CYP19A1: variants seen among roughly 807,000 people sequenced by gnomAD.
CYP19A1 encodes the protein cytochrome P450 family 19 subfamily A member 1, also known as aromatase.
Under a neutral mutation model 44.4 loss-of-function variants are expected in CYP19A1, and 32 were observed. The ratio of observed to expected loss-of-function variants is 0.72; its 90% CI spans 0.54 to 0.97. The LOEUF (loss-of-function observed/expected upper bound fraction) is 0.97. CYP19A1 is among the 50% of genes least tolerant of loss of function. The probability of loss-of-function intolerance (pLI) is 0.00; values close to 1 mark genes in which losing one functional copy is unlikely to be tolerated. For missense variants in CYP19A1, 598 were observed against 637.8 expected (o/e 0.94, Z 0.67); for synonymous variants, 212 against 215.6 (o/e 0.98, Z 0.14).
chr15:51,247,223 TTGCCCTCTC>T (rs1274120100), intron 1 of CYP19A1, among the ~76,000 whole-genome samples: 2 of 152,154 alleles, frequency 1.3e-5, no homozygotes, highest in African/African-American at 4.8e-5. Context: ...CCTAAAGCGT[TTGCCCTCTC>T]TGCTTTATTC....
intron 1 of CYP19A1, among the ~76,000 whole-genome samples, chr15:51,295,122 C>A (rs966061894): frequency 4.9e-4 from 71 of 143,932 alleles, no homozygotes; most frequent in Non-Finnish European, 8.9e-4. Flanking sequence ...GGGCTTGGAG[C>A]GAATTAACAA....
At chr15:51,308,356 TCCTGGGAAATAATC>T (rs1461352734) in intron 1 of CYP19A1, among the ~76,000 whole-genome samples, 2 of 152,242 alleles carry the variant, frequency 1.3e-5, no homozygotes, top group Admixed American at 1.3e-4. Context: ...GAGGAAAATG[TCCTGGGAAATAATC>T]CCTGCCTTCT....
At chr15:51,297,056 C>T (rs1381487022) in intron 1 of CYP19A1, among the ~76,000 whole-genome samples, 2 of 152,150 alleles carry the variant, frequency 1.3e-5, no homozygotes, top group Non-Finnish European at 2.9e-5. Flanking sequence ...TCCAAAAGGG[C>T]CAAGTGACGA....
chr15:51,233,750 T>G (rs1418380060), intron 3 of CYP19A1, among the ~76,000 whole-genome samples: 2 of 152,202 alleles, frequency 1.3e-5, no homozygotes, highest in Non-Finnish European at 2.9e-5. Context: ...GAGTGATACA[T>G]AAATTTTTTT....
chr15:51,318,219 A>T (rs1284109533), intron 1 of CYP19A1, among the ~76,000 whole-genome samples: 1 of 65,154 alleles, frequency 1.5e-5, no homozygotes, highest in African/African-American at 1.0e-4. Context: ...CTAAAAATGT[A>T]AAAAAAAAAA....
rs200111039 is a variant in CYP19A1 at position 51,242,864 on chromosome 15, C to T, written c.49G>A (p.Val17Met). 752 of 1,606,928 alleles carry T rather than the reference C, an allele frequency of 4.7e-4. 1 individual carries two copies. Among genetic ancestry groups the T allele is most frequent in the South Asian group, 1.5e-3 (140 of 90,922 alleles). ...NPIHYNITSI[V>M]PEAMPAATMP... is the part of the protein sequence containing the mutation. ...GTGGCAGCAGGCATGGCTTCAGGCA[C>T]GATGCTGGTGATGTTATAATGTATC... The change falls in exon 2 of 10, where the codon GTG becomes ATG. Residue 17 changes from valine to methionine, a missense_variant. Physicochemically the swap from Val to Met is conservative, Grantham distance 21 (BLOSUM62 1). Transcript: ENST00000396402.
At position 51,222,333 on chromosome 15, in the gene CYP19A1, G is replaced by A; in HGVS notation, c.628+16C>T. Reference sequence around the variant, plus strand: ...AAGGACAGATGGTCAAGATGTGAGAGTGAAAATTTCAGTACCGTCCAAAGG... The same window carrying A: ...AAGGACAGATGGTCAAGATGTGAGAATGAAAATTTCAGTACCGTCCAAAGG... On this transcript the variant is annotated intron_variant, in intron 5 of 9. Transcript: ENST00000396402. The A allele has an allele frequency of 6.2e-7, 1 of 1,614,144 alleles. No individual in the cohort carries two copies. The highest frequency in any genetic ancestry group is 8.5e-7 in the Non-Finnish European group (1 of 1,180,008).
chr15:51,249,143 G>T (rs565179419), intron 1 of CYP19A1, among the ~76,000 whole-genome samples: 1 of 151,972 alleles, frequency 6.6e-6, no homozygotes, highest in Non-Finnish European at 1.5e-5. Flanking sequence ...TTATCATCAT[G>T]TTGGCCAAGC....
At chr15:51,251,542 T>C (rs1479469599) in intron 1 of CYP19A1, among the ~76,000 whole-genome samples, 4 of 152,184 alleles carry the variant, frequency 2.6e-5, no homozygotes, top group Non-Finnish European at 4.4e-5. Flanking sequence ...CTACCACAAG[T>C]GCTTCACACC....
At chr15:51,315,658 A>G (rs2036411693) in intron 1 of CYP19A1, among the ~76,000 whole-genome samples, 1 of 152,224 alleles carries the variant, frequency 6.6e-6, no homozygotes, top group Non-Finnish European at 1.5e-5. Flanking sequence ...ATGAACCTAT[A>G]CATCCAGGCC....
chr15:51,332,029 A>G (rs969018076), intron 1 of CYP19A1, among the ~76,000 whole-genome samples: 5 of 152,164 alleles, frequency 3.3e-5, no homozygotes, highest in African/African-American at 1.2e-4. Context: ...TCTTTTAAGA[A>G]TAATTCTATT....
chr15:51,243,785 A>G (rs2033923130), intron 1 of CYP19A1, among the ~76,000 whole-genome samples: 1 of 152,216 alleles, frequency 6.6e-6, no homozygotes, highest in African/African-American at 2.4e-5. Flanking sequence ...GTGCAAGACA[A>G]TCAATTTACA....
At chr15:51,274,721 C>A (rs2035243197) in intron 1 of CYP19A1, among the ~76,000 whole-genome samples, 1 of 152,178 alleles carries the variant, frequency 6.6e-6, no homozygotes, top group Non-Finnish European at 1.5e-5. Flanking sequence ...AGTGTTTATT[C>A]TAGGACTGGC....
In CYP19A1 at chr15:51,218,606, A is replaced by T; in HGVS notation, c.678T>A (p.Ala226=). ...KIQGYFDAWQ[A]LLIKPDIFFK... is the part of the protein sequence containing the mutation. ...AGAAGATGTCTGGTTTGATGAGGAG[A>T]GCTTGCCATGCATCAAAATAACCTT... is the stretch of plus-strand genomic sequence containing the variant. The change falls in exon 6 of 10, where the codon GCT becomes GCA. Residue 226 remains alanine (A), a synonymous_variant. Coordinates refer to ENST00000396402, the MANE Select transcript of CYP19A1 (RefSeq NM_000103.4). 1 of 1,613,892 alleles carries T rather than the reference A, an allele frequency of 6.2e-7. No individual in the cohort carries two copies. Among genetic ancestry groups the T allele is most frequent in the South Asian group, 1.1e-5 (1 of 91,048 alleles).
At chr15:51,226,035 G>A (rs889221956) in intron 4 of CYP19A1, among the ~76,000 whole-genome samples, 9 of 142,646 alleles carry the variant, frequency 6.3e-5, no homozygotes, top group African/African-American at 1.3e-4. Context: ...CTTGCAGTGA[G>A]CCAAGATGGG....
At chr15:51,293,811 G>C (rs1209714835) in intron 1 of CYP19A1, 1 of 176,338 alleles carries the variant, frequency 5.7e-6, no homozygotes, top group East Asian at 1.7e-4. Context: ...CGCCAGCCTT[G>C]GCCTCACAAG....
chr15:51,253,551 C>T (rs1207820280), intron 1 of CYP19A1, among the ~76,000 whole-genome samples: 1 of 152,134 alleles, frequency 6.6e-6, no homozygotes, highest in Non-Finnish European at 1.5e-5. Flanking sequence ...CCTCCAGTGC[C>T]CCTTCCCACC....
At chr15:51,312,163 G>A (rs2036324848) in intron 1 of CYP19A1, 1 of 152,158 alleles carries the variant, frequency 6.6e-6, no homozygotes, top group Admixed American at 6.5e-5. Context: ...CAAGCACCAT[G>A]GGAAGCCTGG....
chr15:51,285,823 C>T (rs2035678731), intron 1 of CYP19A1, among the ~76,000 whole-genome samples: 1 of 152,190 alleles, frequency 6.6e-6, no homozygotes, highest in African/African-American at 2.4e-5. Flanking sequence ...TGCGTTAGCC[C>T]ACTTGATCCG....
Sources: allele counts gnomAD v4.1 joint callset (sites outside exome capture counted in the v4.1 genomes callset), GRCh38; gene constraint gnomAD v4.1.1; transcripts MANE v1.5; gene names NCBI Gene and HGNC (gene_info 2026-07-23, HGNC 2026-07-21).